The following ARRB2 variants were observed in gnomAD, a reference collection of about 807,000 sequenced individuals.
ARRB2 encodes arrestin beta 2.
Under a neutral mutation model 53.4 loss-of-function variants are expected in ARRB2, and 21 were observed. The ratio of observed to expected loss-of-function variants is 0.39; its 90% CI spans 0.28 to 0.57. The LOEUF (loss-of-function observed/expected upper bound fraction) is 0.57. ARRB2 is among the 20% of genes least tolerant of loss of function. The probability of loss-of-function intolerance (pLI) is 0.55; values close to 1 mark genes in which losing one functional copy is unlikely to be tolerated. For synonymous variants in ARRB2, 180 were observed against 212.9 expected, an observed-to-expected ratio of 0.85 and a Z score of 1.34; for missense variants, 369 against 527.5, an observed-to-expected ratio of 0.70 and a Z score of 2.94.
chr17:4,715,873 C>G, intron 2 of ARRB2, 100 bp from the exon 3 acceptor site: 1 of 1,360,026 alleles, frequency 7.4e-7, no homozygotes, highest in African/African-American at 1.4e-5. Flanking sequence ...TTCCTGATAG[C>G]CCAGCCTGGA....
At position 4,721,142 on chromosome 17, in the gene ARRB2, C is replaced by A; in HGVS notation, c.*103C>A. 8.2e-7 allele frequency: 1 copy of A among 1,222,292 alleles called. No homozygotes were observed. 75.7% of individuals were successfully genotyped at this position (1,222,292 alleles called of 1,614,324 possible). A position where few individuals can be genotyped will look rare whatever the true frequency, so the allele number is the denominator to read the frequency against. On this transcript the variant is annotated 3_prime_UTR_variant, in exon 15 of 15. Coordinates refer to ENST00000269260, the MANE Select transcript of ARRB2 (RefSeq NM_004313.4). This position sits in a 1 kb window ranked among gnomAD's most constrained non-coding sequence, Gnocchi z 4.2. ...GATTGTCCCAGCCCCTCTTCCCTTC[C>A]CCTCACCTGGAAGCTTCTTCAACCA...
chr17:4,715,700 CACACACACACACACACACACACACAA>C, intron 2 of ARRB2: 5 of 263,488 alleles, frequency 1.9e-5, no homozygotes, highest in Admixed American at 6.9e-5. Context: ...TGAGGACACA[CACACACACACACACACACACACACAA>C]ACACACACAC....
intron 11 of ARRB2, 30 bp downstream of exon 11, chr17:4,719,450 C>T (rs368584558): frequency 1.7e-4 from 267 of 1,609,826 alleles, no homozygotes; most frequent in African/African-American, 2.3e-4. Context: ...GGGTCCCCTG[C>T]AGGCCAGGGG....
At chr17:4,713,464 C>T (rs1914631721) in intron 1 of ARRB2, among the ~76,000 whole-genome samples, 1 of 152,050 alleles carries the variant, frequency 6.6e-6, no homozygotes, top group South Asian at 2.1e-4. Flanking sequence ...AACCCCATCT[C>T]TACTAAAAAT....
At chr17:4,718,182 G>C (rs1045590763) in intron 8 of ARRB2, 79 bp from the exon 9 acceptor site, 1 of 1,547,272 alleles carries the variant, frequency 6.5e-7, no homozygotes, top group South Asian at 1.2e-5. Context: ...CCAGAACAAT[G>C]TGTCTGTGTT....
rs35841115 is a variant in ARRB2, at chr17:4,721,340, G to C, written c.*301G>C. The C allele has an allele frequency of 8.2e-4, 362 of 438,886 alleles. 3 individuals carry two copies. The highest frequency in any genetic ancestry group is 6.7e-3 in the African/African-American group (332 of 49,568). 27.2% of individuals were successfully genotyped at this position (438,886 alleles called of 1,614,324 possible). A position where few individuals can be genotyped will look rare whatever the true frequency, so the allele number is the denominator to read the frequency against. On this transcript the variant is annotated 3_prime_UTR_variant, in exon 15 of 15. Coordinates refer to ENST00000269260, the MANE Select transcript of ARRB2 (RefSeq NM_004313.4). This position sits in a 1 kb window ranked among gnomAD's most constrained non-coding sequence, Gnocchi z 4.2. Reference sequence around the variant, plus strand: ...GGGACAGTGAAAAGAGGAGTGACAGGAGGGAAAGGGGGAGACAAAACTCCT... The same window carrying C: ...GGGACAGTGAAAAGAGGAGTGACAGCAGGGAAAGGGGGAGACAAAACTCCT...
At chr17:4,711,201 G>A (rs1187736648) in intron 1 of ARRB2, among the ~76,000 whole-genome samples, 5 of 152,092 alleles carry the variant, frequency 3.3e-5, no homozygotes, top group African/African-American at 1.2e-4. Context: ...CCGAGGGCCG[G>A]GTGGCTCCTC....
chr17:4,719,053 C>T (rs889193200), intron 10 of ARRB2, among the ~76,000 whole-genome samples: 4 of 152,152 alleles, frequency 2.6e-5, no homozygotes, highest in African/African-American at 9.7e-5. Flanking sequence ...GGATTACAGG[C>T]GTGAGCCGCC....
intron 1 of ARRB2, among the ~76,000 whole-genome samples, chr17:4,712,947 GA>G (rs1445308863): frequency 3.3e-5 from 5 of 152,096 alleles, no homozygotes; most frequent in Non-Finnish European, 7.4e-5. Context: ...GAGATATTAG[GA>G]GCTCCATCAC....
At position 4,717,443 on chromosome 17, in the gene ARRB2, A is replaced by G. The variant is rs1322603736; in HGVS notation, c.417+167A>G. ...CGTATGTGGTGGTCATTGTGCACGCATGACACTGCCTCCTGCTCTGTGGAC... is the reference window on the plus strand; with the variant it reads ...CGTATGTGGTGGTCATTGTGCACGCGTGACACTGCCTCCTGCTCTGTGGAC... On this transcript the variant is annotated intron_variant, in intron 6 of 14. Coordinates refer to ENST00000269260, the MANE Select transcript of ARRB2 (RefSeq NM_004313.4). The surrounding 1 kb of genome is among the most constrained non-coding windows in gnomAD (Gnocchi z 6.0). The G allele has an allele frequency of 1.6e-5, 15 of 928,320 alleles. No individual in the cohort carries two copies. In the East Asian group the frequency reaches 2.8e-4, roughly 17 times the overall value. 57.5% of individuals were successfully genotyped at this position (928,320 alleles called of 1,614,324 possible).
intron 9 of ARRB2, 99 bp downstream of exon 9, chr17:4,718,444 A>G (rs572262352): frequency 7.3e-4 from 1,014 of 1,388,506 alleles, no homozygotes; most frequent in Middle Eastern, 9.6e-4. Flanking sequence ...AGTGCGGGAG[A>G]CCCACCAGGG....
At chr17:4,718,522 A>T in intron 9 of ARRB2, 90 bp from the exon 10 acceptor site, 1 of 1,390,798 alleles carries the variant, frequency 7.2e-7, no homozygotes, top group African/African-American at 1.4e-5. Flanking sequence ...AGTGGGGAGC[A>T]TGGGGGGGCC....
rs1045280 is a variant in ARRB2 at position 4,719,343 on chromosome 17, C to T, written c.840C>T (p.Ser280=). ...TGTACACCATAACCCCACTGCTCAG[C>T]GACAACCGGGAGAAGCGGGGTCTCG... is the stretch of plus-strand genomic sequence containing the variant. The part of the protein sequence containing the change: ...CKVYTITPLL[S]DNREKRGLAL... The change falls in exon 11 of 15, where the codon AGC becomes AGT. Residue 280 remains serine (S), a synonymous_variant. Transcript: ENST00000269260. The T allele has an allele frequency of 0.69, 1,108,858 of 1,613,788 alleles. 385,711 individuals carry two copies. The highest frequency in any genetic ancestry group is 0.84 in the East Asian group (37,634 of 44,860).
intron 1 of ARRB2, among the ~76,000 whole-genome samples, chr17:4,712,354 G>A (rs1914493870): frequency 6.6e-6 from 1 of 152,264 alleles, no homozygotes; most frequent in African/African-American, 2.4e-5. Flanking sequence ...GAAGGGGCAA[G>A]TGAAGTTGTA....
intron 8 of ARRB2, 63 bp downstream of exon 8, chr17:4,718,086 G>GC: frequency 6.2e-7 from 1 of 1,603,424 alleles, no homozygotes; most frequent in South Asian, 1.1e-5. Flanking sequence ...GAGGGGCGAA[G>GC]CCACACATCA....
intron 4 of ARRB2, 96 bp downstream of exon 4, chr17:4,716,287 G>A (rs774263423): frequency 1.0e-4 from 162 of 1,607,486 alleles, no homozygotes; most frequent in Non-Finnish European, 1.3e-4. Context: ...ATGGAGGCTG[G>A]AGGTGGAAGC....
intron 1 of ARRB2, among the ~76,000 whole-genome samples, chr17:4,713,544 T>C (rs1308216035): frequency 6.6e-6 from 1 of 151,790 alleles, no homozygotes; most frequent in East Asian, 1.9e-4. Context: ...GGCAGGAGAA[T>C]GGCGTGAACC....
rs1915289016 is a variant in ARRB2, at chr17:4,718,321, A to G, written c.682A>G (p.Thr228Ala). The G allele has an allele frequency of 6.2e-7, 1 of 1,611,876 alleles. No homozygotes were observed. The highest frequency in any genetic ancestry group is 1.3e-5 in the African/African-American group (1 of 74,764). Reference protein sequence around the residue: ...NVHVTNNSTKTVKKIKVSVRQ... With the variant: ...NVHVTNNSTKAVKKIKVSVRQ... ...CCACGTCACCAACAACTCCACCAAG[A>G]CCGTCAAGAAGATCAAAGTCTCTGG... is the stretch of plus-strand genomic sequence containing the variant. Residue 228 changes from threonine (T) to alanine (A), a missense_variant, in exon 9 of 15, where the codon ACC (threonine) becomes GCC (alanine). Coordinates refer to ENST00000269260, the MANE Select transcript of ARRB2 (RefSeq NM_004313.4).
At chr17:4,712,393 T>C (rs914265732) in intron 1 of ARRB2, among the ~76,000 whole-genome samples, 1 of 152,180 alleles carries the variant, frequency 6.6e-6, no homozygotes, top group African/African-American at 2.4e-5. Context: ...GTAGAAACCA[T>C]GTAGGGCCAA....
Sources: allele counts gnomAD v4.1 joint callset (sites outside exome capture counted in the v4.1 genomes callset), GRCh38; gene constraint gnomAD v4.1.1; non-coding constraint Gnocchi (gnomAD v3.1); transcripts MANE v1.5; gene names NCBI Gene and HGNC (gene_info 2026-07-23, HGNC 2026-07-21).